RABGAP1L: variants seen among roughly 807,000 people sequenced by gnomAD.
RABGAP1L encodes rab GTPase-activating protein 1-like.
RABGAP1L carries 63 observed loss-of-function variants against 137.7 expected under a neutral mutation model. That is an observed-to-expected ratio of 0.46 (90% CI 0.37 to 0.56). RABGAP1L has a LOEUF of 0.56. Ranked by LOEUF, RABGAP1L falls within the 20% of genes least tolerant of loss-of-function variation. RABGAP1L has a pLI of 0.00. For synonymous variants in RABGAP1L, 431 were observed against 433.7 expected, an observed-to-expected ratio of 0.99 and a Z score of 0.08; for missense variants, 1,095 against 1,244.0, an observed-to-expected ratio of 0.88 and a Z score of 1.80.
chr1:174,356,266 C>T (rs924046615), intron 11 of RABGAP1L, among the ~76,000 whole-genome samples: 2 of 151,802 alleles, frequency 1.3e-5, no homozygotes, highest in South Asian at 4.2e-4. Context: ...CTATTGTTGC[C>T]TATATTATTT....
chr1:174,967,152 A>G (rs1007877749), intron 20 of RABGAP1L, among the ~76,000 whole-genome samples: 3 of 149,398 alleles, frequency 2.0e-5, no homozygotes, highest in Admixed American at 2.0e-4. Context: ...TCCTGTTATT[A>G]TATTTTCTTT....
intron 17 of RABGAP1L, among the ~76,000 whole-genome samples, chr1:174,736,526 G>T (rs1682957646): frequency 6.6e-6 from 1 of 152,242 alleles, no homozygotes; most frequent in Non-Finnish European, 1.5e-5. Flanking sequence ...CCATACTGTG[G>T]TCTGAAGGGA....
At chr1:174,905,061 C>T (rs76178818) in intron 19 of RABGAP1L, among the ~76,000 whole-genome samples, 2,453 of 152,172 alleles carry the variant, frequency 0.016, 47 homozygotes, top group African/African-American at 0.056. Flanking sequence ...CATGCACTAG[C>T]GTCAAGGTGA....
intron 13 of RABGAP1L, among the ~76,000 whole-genome samples, chr1:174,446,255 C>T (rs1218758638): frequency 6.6e-6 from 1 of 152,186 alleles, no homozygotes; most frequent in Non-Finnish European, 1.5e-5. Context: ...GAAGCATTAC[C>T]TTATTCCTGT....
rs61468070 is a variant in RABGAP1L at position 174,274,606 on chromosome 1, C to CTGTGTGTGTGTGTGTGTG, written c.1054-1211_1054-1194dup. On this transcript the variant is annotated intron_variant, in intron 8 of 25. Coordinates refer to ENST00000681986, the MANE Select transcript of RABGAP1L (RefSeq NM_001366446.1). Reference sequence around the variant, plus strand: ...CCCTATCATTAAGCAACAGGTGACTCTGTGTGTGTGTGTGTGTGTGTGTGT... The same window carrying CTGTGTGTGTGTGTGTGTG: ...CCCTATCATTAAGCAACAGGTGACTCTGTGTGTGTGTGTGTGTGTGTGTGTGTGTGTGTGTGTGTGTGT... Among the ~76,000 whole-genome samples the CTGTGTGTGTGTGTGTGTG allele has an allele frequency of 4.9e-3, 719 of 146,142 alleles. 9 individuals carry two copies. Among genetic ancestry groups the CTGTGTGTGTGTGTGTGTG allele is most frequent in the African/African-American group, 0.017 (664 of 39,160 alleles).
chr1:174,256,522 C>A (rs1386770607), intron 7 of RABGAP1L, among the ~76,000 whole-genome samples: 1 of 152,240 alleles, frequency 6.6e-6, no homozygotes, highest in Admixed American at 6.5e-5. Context: ...GTGGCTCACG[C>A]CTGTAATCCC....
intron 11 of RABGAP1L, among the ~76,000 whole-genome samples, chr1:174,348,974 C>T (rs1393546121): frequency 9.5e-4 from 144 of 152,080 alleles, no homozygotes; most frequent in African/African-American, 3.3e-3. Flanking sequence ...AGCTGTTGGG[C>T]ACACCTCCCA....
intron 8 of RABGAP1L, 69 bp from the exon 9 acceptor site, chr1:174,275,760 AAAGT>A (rs1330927268): frequency 2.7e-6 from 3 of 1,111,020 alleles, no homozygotes; most frequent in African/African-American, 3.1e-5. Context: ...TGTATTGCTT[AAAGT>A]AAGATGTAAT....
At chr1:174,386,410 A>C (rs755607787) in intron 12 of RABGAP1L, among the ~76,000 whole-genome samples, 1 of 152,160 alleles carries the variant, frequency 6.6e-6, no homozygotes, top group Non-Finnish European at 1.5e-5. Flanking sequence ...GCCCATGATC[A>C]TATCAAGTAA....
At chr1:174,534,613 C>A (rs1167252451) in intron 13 of RABGAP1L, among the ~76,000 whole-genome samples, 1 of 151,280 alleles carries the variant, frequency 6.6e-6, no homozygotes, top group East Asian at 1.9e-4. Flanking sequence ...CCCGTCTCTA[C>A]TAAATACAAA....
Position 174,683,527 on chromosome 1 carries a change from C to T in RABGAP1L, c.1830C>T (p.Tyr610=). Residue 610 remains tyrosine (Y), a synonymous_variant, in exon 15 of 26, where the codon TAC becomes TAT. Coordinates refer to ENST00000681986, the MANE Select transcript of RABGAP1L (RefSeq NM_001366446.1). ...TCTTTTCATCTTTTCTCTAGGCCTA[C>T]TCTGTGTATGATGAAGACATTGGGT... ...QESLYKICKA[Y]SVYDEDIGYC... The T allele has an allele frequency of 6.3e-7, 1 of 1,598,332 alleles. No homozygotes were observed. Among genetic ancestry groups the T allele is most frequent in the East Asian group, 2.2e-5 (1 of 44,732 alleles).
chr1:174,323,575 G>A (rs546687009), intron 11 of RABGAP1L, among the ~76,000 whole-genome samples: 1 of 152,130 alleles, frequency 6.6e-6, no homozygotes, highest in African/African-American at 2.4e-5. Context: ...TATGAAAATA[G>A]AACATGAAAC....
chr1:174,494,127 G>A lies in RABGAP1L; in HGVS notation c.1710+99982G>A, dbSNP rs144193740. ...AAAATGGCATTGATCTATTTCTTTT[G>A]AAAATAATACTCTGTTGGTGGTTTG... On this transcript the variant is annotated intron_variant, in intron 13 of 25. Transcript: ENST00000681986. 4.8e-3 allele frequency among the ~76,000 whole-genome samples: 726 copies of A among 152,170 alleles called. 10 individuals carry two copies. The highest frequency in any genetic ancestry group is 0.011 in the Admixed American group (168 of 15,274).
chr1:174,348,560 C>T (rs1391827891), intron 11 of RABGAP1L, among the ~76,000 whole-genome samples: 2 of 141,904 alleles, frequency 1.4e-5, no homozygotes, highest in African/African-American at 5.2e-5. Context: ...AGCAGATAAA[C>T]AAGTGAACAA....
intron 13 of RABGAP1L, among the ~76,000 whole-genome samples, chr1:174,586,752 A>G (rs1386041860): frequency 6.6e-6 from 1 of 151,994 alleles, no homozygotes; most frequent in East Asian, 1.9e-4. Flanking sequence ...CATGCACACC[A>G]CACCCAGCTA....
intron 7 of RABGAP1L, among the ~76,000 whole-genome samples, chr1:174,255,231 T>C (rs1213991399): frequency 1.3e-5 from 2 of 152,222 alleles, no homozygotes. Context: ...TTCTTAAAAT[T>C]GATGAAAAAG....
intron 17 of RABGAP1L, among the ~76,000 whole-genome samples, chr1:174,718,609 T>G (rs1024756220): frequency 1.3e-5 from 2 of 152,156 alleles, no homozygotes; most frequent in Non-Finnish European, 2.9e-5. Flanking sequence ...TTGGCATCAT[T>G]TGTCATCGTG....
At chr1:174,749,068 T>A (rs1353321940) in intron 17 of RABGAP1L, among the ~76,000 whole-genome samples, 1 of 151,000 alleles carries the variant, frequency 6.6e-6, no homozygotes, top group Non-Finnish European at 1.5e-5. Flanking sequence ...CCCAGCTACA[T>A]GGGAGGCTGA....
chr1:174,565,893 T>TC (rs1312246315), intron 13 of RABGAP1L, among the ~76,000 whole-genome samples: 1 of 151,340 alleles, frequency 6.6e-6, no homozygotes, highest in East Asian at 1.9e-4. Context: ...CATTTTTTTT[T>TC]TTTTTTTTTT....
Sources: gnomAD v4.1 joint callset for allele counts (sites outside exome capture counted in the v4.1 genomes callset) on GRCh38, gnomAD v4.1.1 for gene constraint, MANE v1.5 for transcripts, NCBI Gene and HGNC (gene_info 2026-07-23, HGNC 2026-07-21) for gene names.